NREP: variants seen among roughly 807,000 people sequenced by gnomAD.
NREP encodes the protein neuronal regeneration-related protein.
NREP carries 5 observed loss-of-function variants against 8.6 expected under a neutral mutation model. That is an observed-to-expected ratio of 0.58 (90% CI 0.30 to 1.22). NREP has a LOEUF of 1.22. Ranked by LOEUF, NREP falls within the 50% of genes most tolerant of loss-of-function variation. The probability of loss-of-function intolerance (pLI) is 0.07; values close to 1 mark genes in which losing one functional copy is unlikely to be tolerated. For synonymous variants in NREP, 27 were observed against 28.0 expected, an observed-to-expected ratio of 0.96 and a Z score of 0.11; for missense variants, 86 against 82.5, an observed-to-expected ratio of 1.04 and a Z score of -0.17.
intron 2 of NREP, among the ~76,000 whole-genome samples, chr5:111,837,118 C>T (rs1259526707): frequency 1.3e-5 from 2 of 152,112 alleles, no homozygotes; most frequent in East Asian, 3.9e-4. Flanking sequence ...TTTTTGGCTT[C>T]TAAGTTTATG....
At chr5:111,739,482 A>G (rs546301472) in intron 2 of NREP, 1 of 152,146 alleles carries the variant, frequency 6.6e-6, no homozygotes, top group Admixed American at 6.5e-5. Context: ...ACTGACAATG[A>G]CCCTATCACT....
intron 2 of NREP, among the ~76,000 whole-genome samples, chr5:111,918,322 C>T (rs1755123281): frequency 1.3e-5 from 2 of 152,174 alleles, no homozygotes; most frequent in South Asian, 4.1e-4. Context: ...CATCAAACTA[C>T]CACTGACTTT....
intron 2 of NREP, among the ~76,000 whole-genome samples, chr5:111,910,351 T>G (rs181336130): frequency 1.3e-5 from 2 of 152,010 alleles, no homozygotes; most frequent in African/African-American, 4.8e-5. Flanking sequence ...AATCATCTTT[T>G]TTTTCCATAA....
At chr5:111,848,687 C>T (rs1425933956) in intron 2 of NREP, among the ~76,000 whole-genome samples, 1 of 151,780 alleles carries the variant, frequency 6.6e-6, no homozygotes, top group Non-Finnish European at 1.5e-5. Flanking sequence ...TGTGAATTGC[C>T]AAAGACAATC....
chr5:111,936,962 C>G (rs1305306538), intron 2 of NREP, among the ~76,000 whole-genome samples: 1 of 152,036 alleles, frequency 6.6e-6, no homozygotes, highest in East Asian at 1.9e-4. Context: ...ACAGTGGGCT[C>G]TCCTAAGGCC....
chr5:111,879,444 T>C (rs972660730), intron 2 of NREP, among the ~76,000 whole-genome samples: 2 of 152,194 alleles, frequency 1.3e-5, no homozygotes, highest in Admixed American at 6.5e-5. Context: ...GTATGTTAAG[T>C]GCTCAATGAT....
rs1043631540 is a variant in NREP, at chr5:111,756,462, T to C, written c.-58-632A>G. On this transcript the variant is annotated intron_variant, in intron 1 of 3. Transcript: ENST00000257435. ...AAGACCGCTCTTTTGTTAACACAGT[T>C]ATGACAAAAATTAAGATGAATGGAG... is the stretch of plus-strand genomic sequence containing the variant. Among the ~76,000 whole-genome samples the C allele has an allele frequency of 7.2e-5, 11 of 152,186 alleles. No individual in the cohort carries two copies. In the East Asian group the frequency reaches 1.9e-3, roughly 27 times the overall value.
intron 2 of NREP, among the ~76,000 whole-genome samples, chr5:111,906,769 G>GT (rs1754788391): frequency 6.6e-6 from 1 of 151,930 alleles, no homozygotes; most frequent in Non-Finnish European, 1.5e-5. Context: ...AGGATATATG[G>GT]TTTTTAGCAT....
At chr5:111,937,225 G>A (rs1755708554) in intron 2 of NREP, among the ~76,000 whole-genome samples, 1 of 152,028 alleles carries the variant, frequency 6.6e-6, no homozygotes, top group African/African-American at 2.4e-5. Flanking sequence ...AGCAAAAACT[G>A]GACTTTACTG....
chr5:111,929,141 T>G (rs1467566831), intron 2 of NREP, among the ~76,000 whole-genome samples: 2 of 152,172 alleles, frequency 1.3e-5, no homozygotes, highest in Non-Finnish European at 2.9e-5. Context: ...TAGTTTAGAT[T>G]ACACATTGAA....
chr5:111,841,662 G>A (rs763058521), intron 2 of NREP, among the ~76,000 whole-genome samples: 9 of 151,984 alleles, frequency 5.9e-5, no homozygotes, highest in Non-Finnish European at 1.0e-4. Context: ...CCTCCTTAGG[G>A]CACACCCTTG....
intron 2 of NREP, among the ~76,000 whole-genome samples, chr5:111,845,102 T>A (rs990304474): frequency 6.6e-6 from 1 of 152,012 alleles, no homozygotes; most frequent in Non-Finnish European, 1.5e-5. Flanking sequence ...AGGGCCAGCT[T>A]TGAATCATGG....
intron 2 of NREP, among the ~76,000 whole-genome samples, chr5:111,808,007 G>A (rs1581132426): frequency 6.6e-6 from 1 of 152,192 alleles, no homozygotes; most frequent in African/African-American, 2.4e-5. Context: ...TGTGGGGGAA[G>A]CACAGAAATG....
At chr5:111,769,314 T>A (rs1209961394) in intron 2 of NREP, among the ~76,000 whole-genome samples, 1 of 152,196 alleles carries the variant, frequency 6.6e-6, no homozygotes, top group Non-Finnish European at 1.5e-5. Context: ...CCCCACACTG[T>A]CCTAATGGAA....
intron 2 of NREP, among the ~76,000 whole-genome samples, chr5:111,882,666 G>T (rs1412367848): frequency 6.6e-6 from 1 of 152,136 alleles, no homozygotes; most frequent in Non-Finnish European, 1.5e-5. Context: ...AAAGAGTGGG[G>T]GCCAATATTC....
intron 2 of NREP, among the ~76,000 whole-genome samples, chr5:111,904,317 C>G (rs1754723625): frequency 1.3e-5 from 2 of 152,186 alleles, no homozygotes; most frequent in South Asian, 2.1e-4. Context: ...AGTATCATAG[C>G]TGTATGATAA....
chr5:111,889,339 C>A (rs1266874538), intron 2 of NREP, among the ~76,000 whole-genome samples: 1 of 152,108 alleles, frequency 6.6e-6, no homozygotes, highest in Non-Finnish European at 1.5e-5. Flanking sequence ...CTCACTATAC[C>A]AAAGACATTA....
chr5:111,956,165 C>A (rs1756311241), intron 2 of NREP, among the ~76,000 whole-genome samples: 1 of 151,978 alleles, frequency 6.6e-6, no homozygotes, highest in African/African-American at 2.4e-5. Context: ...ACCTCTACAA[C>A]CCAGGACAGA....
At chr5:111,777,856 T>C (rs59204648) in intron 2 of NREP, among the ~76,000 whole-genome samples, 1,641 of 152,214 alleles carry the variant, frequency 0.011, 36 homozygotes, top group African/African-American at 0.037. Context: ...GTCCCATCAC[T>C]TTCCCCATCT....
Sources: allele counts gnomAD v4.1 joint callset (sites outside exome capture counted in the v4.1 genomes callset), GRCh38; gene constraint gnomAD v4.1.1; transcripts MANE v1.5; gene names NCBI Gene and HGNC (gene_info 2026-07-23, HGNC 2026-07-21).